The following NBEA variants were observed in gnomAD, a reference collection of about 807,000 sequenced individuals.
NBEA encodes lysosomal-trafficking regulator 2.
NBEA carries 44 observed loss-of-function variants against 343.4 expected under a neutral mutation model. The ratio of observed to expected loss-of-function variants is 0.13; its 90% CI spans 0.10 to 0.16. The LOEUF (loss-of-function observed/expected upper bound fraction) is 0.16. NBEA is among the 10% of genes least tolerant of loss of function. NBEA has a pLI of 1.00. For missense variants in NBEA, 2,555 were observed against 3,631.3 expected (o/e 0.70, Z 7.62); for synonymous variants, 1,175 against 1,238.7 (o/e 0.95, Z 1.08).
chr13:35,323,868 G>A (rs993408073), intron 36 of NBEA, among the ~76,000 whole-genome samples: 17 of 151,876 alleles, frequency 1.1e-4, no homozygotes, highest in African/African-American at 4.1e-4. Flanking sequence ...TACCTATTTT[G>A]GTGTATTCAT....
chr13:35,112,119 G>A (rs148621080), intron 13 of NBEA, among the ~76,000 whole-genome samples: 17 of 151,762 alleles, frequency 1.1e-4, no homozygotes, highest in African/African-American at 3.4e-4. Flanking sequence ...GGGTTTCACC[G>A]TGTTAGCCAG....
intron 41 of NBEA, among the ~76,000 whole-genome samples, chr13:35,479,773 C>T (rs1473200930): frequency 6.6e-6 from 1 of 151,946 alleles, no homozygotes; most frequent in Non-Finnish European, 1.5e-5. Context: ...TGTAAATATA[C>T]TCAGTGCTAC....
At chr13:35,618,879 C>T (rs1305769997) in intron 48 of NBEA, among the ~76,000 whole-genome samples, 1 of 152,022 alleles carries the variant, frequency 6.6e-6, no homozygotes, top group Non-Finnish European at 1.5e-5. Context: ...TCTCATCTCG[C>T]CCTCAGCCCA....
intron 38 of NBEA, among the ~76,000 whole-genome samples, chr13:35,356,691 T>A (rs575305861): frequency 2.6e-5 from 4 of 152,176 alleles, no homozygotes; most frequent in Non-Finnish European, 5.9e-5. Flanking sequence ...AACTCTATTC[T>A]TTTGATCTCT....
chr13:35,077,443 C>G (rs2064170349), intron 10 of NBEA, among the ~76,000 whole-genome samples: 1 of 151,986 alleles, frequency 6.6e-6, no homozygotes. Flanking sequence ...AATTAGAACC[C>G]CAAGAGAACT....
At chr13:35,618,978 A>G (rs991806775) in intron 48 of NBEA, among the ~76,000 whole-genome samples, 1 of 152,054 alleles carries the variant, frequency 6.6e-6, no homozygotes, top group African/African-American at 2.4e-5. Flanking sequence ...GCCAAGCTCC[A>G]GTGTGGCTCT....
intron 45 of NBEA, among the ~76,000 whole-genome samples, chr13:35,580,009 A>G (rs894554373): frequency 6.6e-6 from 1 of 152,138 alleles, no homozygotes; most frequent in Non-Finnish European, 1.5e-5. Flanking sequence ...TTTTTACATT[A>G]GTCACTTCTT....
intron 38 of NBEA, among the ~76,000 whole-genome samples, chr13:35,406,072 C>T (rs776269294): frequency 3.9e-5 from 6 of 152,030 alleles, no homozygotes; most frequent in Non-Finnish European, 5.9e-5. Context: ...TTGTTAAAGA[C>T]GCGAAGAGTG....
chr13:35,418,465 A>T (rs145995233), intron 38 of NBEA, among the ~76,000 whole-genome samples: 1 of 152,026 alleles, frequency 6.6e-6, no homozygotes, highest in Non-Finnish European at 1.5e-5. Context: ...CAGAGTGAAG[A>T]ACATATGAGA....
At chr13:35,384,459 T>A (rs975721673) in intron 38 of NBEA, among the ~76,000 whole-genome samples, 3 of 152,048 alleles carry the variant, frequency 2.0e-5, no homozygotes, top group Non-Finnish European at 4.4e-5. Flanking sequence ...CTGTCTTACT[T>A]AGGCTTTTCT....
At chr13:35,635,469 G>GC (rs1297970952) in intron 49 of NBEA, among the ~76,000 whole-genome samples, 2 of 152,094 alleles carry the variant, frequency 1.3e-5, no homozygotes, top group African/African-American at 4.8e-5. Context: ...TATAATTACT[G>GC]CATGTTTTAC....
In NBEA at chr13:35,168,720, A is replaced by G. The variant is rs368272186; in HGVS notation, c.4234-267A>G. 1.1e-4 allele frequency among the ~76,000 whole-genome samples: 16 copies of G among 151,544 alleles called. No individual in the cohort carries two copies. In the East Asian group the frequency reaches 2.7e-3, roughly 26 times the overall value. On this transcript the variant is annotated intron_variant, in intron 24 of 58. Transcript: ENST00000379939. Reference sequence around the variant, plus strand: ...ATAGAGTATGCATTATTTCTAATATATGAACTATACTTATATATATTATTT... The same window carrying G: ...ATAGAGTATGCATTATTTCTAATATGTGAACTATACTTATATATATTATTT...
chr13:35,321,187 T>C (rs1230453167), intron 36 of NBEA, among the ~76,000 whole-genome samples: 1 of 152,072 alleles, frequency 6.6e-6, no homozygotes, highest in Non-Finnish European at 1.5e-5. Flanking sequence ...TTTTTGGAAT[T>C]TTCAGCCTTT....
intron 41 of NBEA, among the ~76,000 whole-genome samples, chr13:35,505,761 T>C (rs746637774): frequency 5.3e-5 from 8 of 152,184 alleles, no homozygotes; most frequent in Non-Finnish European, 1.2e-4. Context: ...TGGAAATCTT[T>C]TGTGTGTGGG....
chr13:35,369,194 G>C (rs1464422583), intron 38 of NBEA, among the ~76,000 whole-genome samples: 1 of 129,568 alleles, frequency 7.7e-6, no homozygotes, highest in Non-Finnish European at 1.6e-5. Context: ...GTGTGTTTGT[G>C]ACACTGTTTT....
At chr13:34,978,726 C>A (rs2060261499) in intron 1 of NBEA, among the ~76,000 whole-genome samples, 3 of 152,090 alleles carry the variant, frequency 2.0e-5, no homozygotes, top group Admixed American at 2.0e-4. Flanking sequence ...GTCAATGAAC[C>A]CTTTTGAGTA....
chr13:35,206,302 T>C (rs1486665759), intron 31 of NBEA, among the ~76,000 whole-genome samples: 1 of 152,146 alleles, frequency 6.6e-6, no homozygotes, highest in Non-Finnish European at 1.5e-5. Context: ...TTTATAGTAA[T>C]AGTTTTTCTA....
intron 34 of NBEA, among the ~76,000 whole-genome samples, chr13:35,268,953 CTT>C (rs2033913087): frequency 6.6e-6 from 1 of 151,956 alleles, no homozygotes; most frequent in Non-Finnish European, 1.5e-5. Context: ...GAGATAAAGA[CTT>C]TTTCAGACAA....
At chr13:35,638,983 C>A (rs2083819091) in intron 49 of NBEA, among the ~76,000 whole-genome samples, 1 of 152,138 alleles carries the variant, frequency 6.6e-6, no homozygotes, top group South Asian at 2.1e-4. Context: ...AAGAAAGAAA[C>A]CAAGAATTAA....
Sources: allele counts gnomAD v4.1 joint callset (sites outside exome capture counted in the v4.1 genomes callset), GRCh38; gene constraint gnomAD v4.1.1; transcripts MANE v1.5; gene names NCBI Gene and HGNC (gene_info 2026-07-23, HGNC 2026-07-21).